Variants in EPPK1 observed in about 807,000 individuals in gnomAD.
The protein encoded by EPPK1 is epiplakin.
For missense variants in EPPK1, 3,823 were observed against 3,673.3 expected (o/e 1.04, Z -1.05); for synonymous variants, 1,862 against 1,721.2 (o/e 1.08, Z -2.03).
intron 1 of EPPK1, among the ~76,000 whole-genome samples, chr8:143,877,552 T>A (rs532456115): frequency 5.3e-4 from 81 of 152,272 alleles, no homozygotes; most frequent in Non-Finnish European, 1.0e-3. Context: ...GGTCTGCATC[T>A]CTTGGGTGAG....
In EPPK1 at chr8:143,871,505, G is replaced by A. The variant is rs141793860; in HGVS notation, c.1749C>T (p.Tyr583=). Residue 583 remains tyrosine (Y), a synonymous_variant, in exon 2 of 2, where the codon TAC becomes TAT. Transcript: ENST00000615648. ...TGGCCTGTCCATGCTCCAGCCGCTC[G>A]TACAGGTCCTGGTCGATGATCTCGG... The part of the protein sequence containing the change: ...LKAEIIDQDL[Y]ERLEHGQATA... The A allele has an allele frequency of 2.8e-4, 456 of 1,609,750 alleles. No homozygotes were observed. The African/African-American group carries it at 5.1e-3, about 18-fold the overall frequency.
At position 143,871,193 on chromosome 8, in the gene EPPK1, A is replaced by G. The variant is rs780938500; in HGVS notation, c.2061T>C (p.Ala687=). The stretch of plus-strand genomic sequence containing the variant: ...TGTAGGGGTCAGTGTAGCCAGTGAC[A>G]GCGCGCTCAGCCGACAGCAGCTTCG... ...VFAKLLSAER[A]VTGYTDPYTG... Residue 687 remains alanine (A), a synonymous_variant, in exon 2 of 2, where the codon GCT becomes GCC. Coordinates refer to ENST00000615648, the MANE Select transcript of EPPK1 (RefSeq NM_031308.4). The G allele has an allele frequency of 2.1e-5, 34 of 1,613,104 alleles. No individual in the cohort carries two copies. The South Asian group carries it at 2.6e-4, about 13-fold the overall frequency.
In EPPK1 at chr8:143,868,902, C is replaced by T. The variant is rs1554660142; in HGVS notation, c.4352G>A (p.Arg1451Lys). The change falls in exon 2 of 2, where the codon AGG becomes AAG. Residue 1451 changes from arginine (R) to lysine (K), a missense_variant. Physicochemically the swap from Arg to Lys is conservative, Grantham distance 26. Coordinates refer to ENST00000615648, the MANE Select transcript of EPPK1 (RefSeq NM_031308.4). ...TGTGCTGACGGGCACCTTCATGGCC[C>T]TCAGAGCCACCGCGGTGTGGTCGTC... ...EVDDHTAVAL[R>K]AMKVPVSTGR... 4 of 1,610,984 alleles carry T rather than the reference C, an allele frequency of 2.5e-6. No individual in the cohort carries two copies. The highest frequency in any genetic ancestry group is 2.7e-5 in the African/African-American group (2 of 74,936).
In EPPK1 at chr8:143,870,875, C is replaced by T. The variant is rs201912091; in HGVS notation, c.2379G>A (p.Leu793=). The T allele has an allele frequency of 1.9e-6, 3 of 1,612,966 alleles. No homozygotes were observed. Among genetic ancestry groups the T allele is most frequent in the East Asian group, 2.2e-5 (1 of 44,880 alleles). ...ERCVRDPETG[L]YLLPLSSTQS... ...GCGTGCTGCTGAGTGGCAGGAGGTA[C>T]AGGCCCGTCTCGGGGTCACGCACAC... is the stretch of plus-strand genomic sequence containing the variant. Residue 793 remains leucine, a synonymous_variant, in exon 2 of 2, where the codon CTG becomes CTA. Transcript: ENST00000615648. This position sits in a 1 kb window ranked among gnomAD's most constrained non-coding sequence, Gnocchi z 5.2.
rs782605919 is a variant in EPPK1, at chr8:143,871,714, G to C, written c.1540C>G (p.Leu514Val). The change falls in exon 2 of 2, where the codon CTC becomes GTC. Residue 514 changes from leucine (L) to valine (V), a missense_variant. By Grantham distance (32) the Leu-to-Val change is conservative. Coordinates refer to ENST00000615648, the MANE Select transcript of EPPK1 (RefSeq NM_031308.4). ...RGRPVSLWEL[L>V]FSEAISSEQR... ...TCTGAGGAGATGGCCTCAGAGAAGAGCAGCTCCCAGAGGGACACGGGCCGG... is the reference window on the plus strand; with the variant it reads ...TCTGAGGAGATGGCCTCAGAGAAGACCAGCTCCCAGAGGGACACGGGCCGG... 3.1e-6 allele frequency: 5 copies of C among 1,608,324 alleles called. No individual in the cohort carries two copies. The highest frequency in any genetic ancestry group is 4.2e-6 in the Non-Finnish European group (5 of 1,178,690).
Position 143,870,935 on chromosome 8 carries a change from G to A in EPPK1, c.2319C>T (p.His773=), listed in dbSNP as rs782240403. 44 of 1,613,380 alleles carry A rather than the reference G, an allele frequency of 2.7e-5. No homozygotes were observed. The East Asian group carries it at 3.6e-4, about 13-fold the overall frequency. The change falls in exon 2 of 2, where the codon CAC becomes CAT. Residue 773 remains histidine, a synonymous_variant. Coordinates refer to ENST00000615648, the MANE Select transcript of EPPK1 (RefSeq NM_031308.4). This position sits in a 1 kb window ranked among gnomAD's most constrained non-coding sequence, Gnocchi z 5.2. ...DTKGFFDPNT[H]ENLTYLQLLE... ...GAAGCTGCAGGTACGTGAGGTTCTC[G>A]TGCGTGTTGGGGTCGAAGAAGCCCT...
In EPPK1 at chr8:143,869,338, C is replaced by A. The variant is rs1819255470; in HGVS notation, c.3916G>T (p.Val1306Phe). The change falls in exon 2 of 2, where the codon GTC becomes TTC. Residue 1306 changes from valine (V) to phenylalanine (F), a missense_variant. Coordinates refer to ENST00000615648, the MANE Select transcript of EPPK1 (RefSeq NM_031308.4). ...QRLSVEDAVK[V>F]GLVGRELSEQ... ...CTCAGCTCCCTGCCCACCAGGCCGA[C>A]CTTAACCGCGTCCTCCACTGACAGT... is the stretch of plus-strand genomic sequence containing the variant. 1 of 1,609,600 alleles carries A rather than the reference C, an allele frequency of 6.2e-7. No homozygotes were observed. Among genetic ancestry groups the A allele is most frequent in the Non-Finnish European group, 8.5e-7 (1 of 1,178,334 alleles).
Position 143,871,902 on chromosome 8 carries a change from A to AG in EPPK1, c.1351dup (p.Leu451ProfsTer67). ...TGGGTCGGTGACACAGAGGGCCAGCAGCTGTTCATAGCGCAGGCCGCCGTG... is the reference window on the plus strand; with the variant it reads ...TGGGTCGGTGACACAGAGGGCCAGCAGGCTGTTCATAGCGCAGGCCGCCGTG... On this transcript the variant is annotated frameshift_variant, in exon 2 of 2. Transcript: ENST00000615648. LOFTEE classifies it low-confidence loss of function (END_TRUNC). The AG allele has an allele frequency of 6.2e-7, 1 of 1,608,420 alleles. No homozygotes were observed. The highest frequency in any genetic ancestry group is 8.5e-7 in the Non-Finnish European group (1 of 1,179,654).
chr8:143,870,412 G>A lies in EPPK1; in HGVS notation c.2842C>T (p.Gln948Ter), dbSNP rs1554660765. The A allele has an allele frequency of 6.3e-7, 1 of 1,589,894 alleles. No individual in the cohort carries two copies. The highest frequency in any genetic ancestry group is 1.7e-5 in the Admixed American group (1 of 58,352). ...CCCAGCAGCTTCTGCCTCATGGCCTGGTAGAGGCTGAGCCGCTGGCCAGAG... is the reference window on the plus strand; with the variant it reads ...CCCAGCAGCTTCTGCCTCATGGCCTAGTAGAGGCTGAGCCGCTGGCCAGAG... Reference protein sequence around the residue: ...LPSGQRLSLYQAMRQKLLGPR... With the variant: ...LPSGQRLSLY The change falls in exon 2 of 2, where the codon CAG becomes TAG. Residue 948 changes from glutamine to a stop codon, truncating the protein, a stop_gained. Coordinates refer to ENST00000615648, the MANE Select transcript of EPPK1 (RefSeq NM_031308.4). LOFTEE classifies it low-confidence loss of function (END_TRUNC). This position sits in a 1 kb window ranked among gnomAD's most constrained non-coding sequence, Gnocchi z 5.2.
Position 143,871,208 on chromosome 8 carries a change from C to T in EPPK1, c.2046G>A (p.Leu682=), listed in dbSNP as rs782644657. ...VIGPDVFAKL[L]SAERAVTGYT... is the part of the protein sequence containing the mutation. Reference sequence around the variant, plus strand: ...AGCCAGTGACAGCGCGCTCAGCCGACAGCAGCTTCGCGAACACATCAGGCC... The same window carrying T: ...AGCCAGTGACAGCGCGCTCAGCCGATAGCAGCTTCGCGAACACATCAGGCC... Residue 682 remains leucine, a synonymous_variant, in exon 2 of 2, where the codon CTG becomes CTA. Coordinates refer to ENST00000615648, the MANE Select transcript of EPPK1 (RefSeq NM_031308.4). 2 of 1,613,284 alleles carry T rather than the reference C, an allele frequency of 1.2e-6. No homozygotes were observed. Among genetic ancestry groups the T allele is most frequent in the South Asian group, 1.1e-5 (1 of 91,088 alleles).
In EPPK1 at chr8:143,870,416, G is replaced by A; in HGVS notation, c.2838C>T (p.Leu946=). 1.9e-6 allele frequency: 3 copies of A among 1,591,766 alleles called. No individual in the cohort carries two copies. Among genetic ancestry groups the A allele is most frequent in the Non-Finnish European group, 2.6e-6 (3 of 1,174,324 alleles). Residue 946 remains leucine, a synonymous_variant, in exon 2 of 2, where the codon CTC becomes CTT. Transcript: ENST00000615648. This position sits in a 1 kb window ranked among gnomAD's most constrained non-coding sequence, Gnocchi z 5.2. ...RLLPSGQRLS[L]YQAMRQKLLG... is the part of the protein sequence containing the mutation. ...GCAGCTTCTGCCTCATGGCCTGGTA[G>A]AGGCTGAGCCGCTGGCCAGAGGGCA... is the stretch of plus-strand genomic sequence containing the variant.
rs1448940981 is a variant in EPPK1 at position 143,871,243 on chromosome 8, C to T, written c.2011G>A (p.Ala671Thr). 1 of 1,613,024 alleles carries T rather than the reference C, an allele frequency of 6.2e-7. No homozygotes were observed. The highest frequency in any genetic ancestry group is 8.5e-7 in the Non-Finnish European group (1 of 1,179,968). The stretch of plus-strand genomic sequence containing the variant: ...GCGAACACATCAGGCCCAATGACAG[C>T]AGCCCTCAGTGCCTCCTCAACGGAG... ...GHSVEEALRA[A>T]VIGPDVFAKL... is the part of the protein sequence containing the mutation. The change falls in exon 2 of 2, where the codon GCT becomes ACT. Residue 671 changes from alanine (A) to threonine (T), a missense_variant. Transcript: ENST00000615648.
Position 143,857,819 on chromosome 8 carries a change from A to T in EPPK1, c.*168T>A. 1 of 560,552 alleles carries T rather than the reference A, an allele frequency of 1.8e-6. No homozygotes were observed. Among genetic ancestry groups the T allele is most frequent in the Non-Finnish European group, 2.9e-6 (1 of 340,966 alleles). The allele number at this position is 560,552 out of a possible 1,614,324, so 34.7% of individuals were successfully genotyped here. ...TATGAAACACCTCGATGGACAAAGGAAAAGTTTCTGTCACATGACAACTTA... is the reference window on the plus strand; with the variant it reads ...TATGAAACACCTCGATGGACAAAGGTAAAGTTTCTGTCACATGACAACTTA... On this transcript the variant is annotated 3_prime_UTR_variant, in exon 2 of 2. Coordinates refer to ENST00000615648, the MANE Select transcript of EPPK1 (RefSeq NM_031308.4).
In EPPK1 at chr8:143,868,916, G is replaced by A. The variant is rs782464862; in HGVS notation, c.4338C>T (p.Thr1446=). The part of the protein sequence containing the change: ...SDTVLEVDDH[T]AVALRAMKVP... ...CCTTCATGGCCCTCAGAGCCACCGC[G>A]GTGTGGTCGTCCACCTCAAGCACTG... The change falls in exon 2 of 2, where the codon ACC becomes ACT. Residue 1446 remains threonine (T), a synonymous_variant. Coordinates refer to ENST00000615648, the MANE Select transcript of EPPK1 (RefSeq NM_031308.4). 56 of 1,610,892 alleles carry A rather than the reference G, an allele frequency of 3.5e-5. No individual in the cohort carries two copies. Among genetic ancestry groups the A allele is most frequent in the Middle Eastern group, 1.6e-4 (1 of 6,084 alleles).
At chr8:143,877,096 T>C (rs1300168831) in intron 1 of EPPK1, among the ~76,000 whole-genome samples, 1 of 152,220 alleles carries the variant, frequency 6.6e-6, no homozygotes, top group Non-Finnish European at 1.5e-5. Flanking sequence ...TTGCCCTGCG[T>C]GTGTGAGTGT....
rs782433712 is a variant in EPPK1 at position 143,871,360 on chromosome 8, T to G, written c.1894A>C (p.Lys632Gln). 17 of 1,609,378 alleles carry G rather than the reference T, an allele frequency of 1.1e-5. No individual in the cohort carries two copies. Among genetic ancestry groups the G allele is most frequent in the Non-Finnish European group, 1.4e-5 (17 of 1,178,634 alleles). Residue 632 changes from lysine to glutamine, a missense_variant, in exon 2 of 2, where the codon AAG becomes CAG. Lys to Gln is a moderately conservative substitution (Grantham distance 53). Transcript: ENST00000615648. Reference sequence around the variant, plus strand: ...GCAGTGCCGGGCCGGAGGAGCCCCTTGCATCGGGCCTCATAGATGCTCAGG... The same window carrying G: ...GCAGTGCCGGGCCGGAGGAGCCCCTGGCATCGGGCCTCATAGATGCTCAGG... ...ERLSIYEARC[K>Q]GLLRPGTALI...
Position 143,870,394 on chromosome 8 carries a change from G to C in EPPK1, c.2860C>G (p.Leu954Val), listed in dbSNP as rs781818533. ...GCCAGGGCCACCCTGGGCCCCAGCA[G>C]CTTCTGCCTCATGGCCTGGTAGAGG... ...LSLYQAMRQK[L>V]LGPRVALALL... is the part of the protein sequence containing the mutation. The change falls in exon 2 of 2, where the codon CTG becomes GTG. Residue 954 changes from leucine to valine, a missense_variant. By Grantham distance (32) the Leu-to-Val change is conservative (BLOSUM62 1). Transcript: ENST00000615648. The surrounding 1 kb of genome is among the most constrained non-coding windows in gnomAD (Gnocchi z 5.2). 5 of 1,578,756 alleles carry C rather than the reference G, an allele frequency of 3.2e-6. No individual in the cohort carries two copies. In the South Asian group the frequency reaches 5.7e-5, roughly 18 times the overall value.
At position 143,866,931 on chromosome 8, in the gene EPPK1, A is replaced by G. The variant is rs925397944; in HGVS notation, c.6323T>C (p.Val2108Ala). The stretch of plus-strand genomic sequence containing the variant: ...TCTGAACCTTCCCACTGTGATTTCC[A>G]CTTGCTCTGCCTCCAGGGCCCTTCT... ...ETRRALEAEQVEITVGRFRGQ... is the reference protein window; with the variant it reads ...ETRRALEAEQAEITVGRFRGQ... Residue 2108 changes from valine (V) to alanine (A), a missense_variant, in exon 2 of 2, where the codon GTG (valine) becomes GCG (alanine). Val to Ala is a moderately conservative substitution (Grantham distance 64, BLOSUM62 0). Coordinates refer to ENST00000615648, the MANE Select transcript of EPPK1 (RefSeq NM_031308.4). The G allele has an allele frequency of 3.1e-6, 5 of 1,612,730 alleles. No homozygotes were observed. The highest frequency in any genetic ancestry group is 8.5e-7 in the Non-Finnish European group (1 of 1,179,824).
In EPPK1 at chr8:143,871,705, C is replaced by A; in HGVS notation, c.1549G>T (p.Glu517Ter). ...GCCCTCTGCTCTGAGGAGATGGCCTCAGAGAAGAGCAGCTCCCAGAGGGAC... is the reference window on the plus strand; with the variant it reads ...GCCCTCTGCTCTGAGGAGATGGCCTAAGAGAAGAGCAGCTCCCAGAGGGAC... ...PVSLWELLFS[E>*]AISSEQRAML... is the part of the protein sequence containing the mutation. The change falls in exon 2 of 2, where the codon GAG (glutamate) becomes TAG (stop). Residue 517 changes from glutamate to a stop codon, truncating the protein, a stop_gained. Transcript: ENST00000615648. LOFTEE classifies it low-confidence loss of function (END_TRUNC). 1 of 1,607,534 alleles carries A rather than the reference C, an allele frequency of 6.2e-7. No individual in the cohort carries two copies.
Sources: gnomAD v4.1 joint callset for allele counts (sites outside exome capture counted in the v4.1 genomes callset) on GRCh38, gnomAD v4.1.1 for gene constraint, Gnocchi (gnomAD v3.1) non-coding constraint, MANE v1.5 for transcripts, NCBI Gene and HGNC (gene_info 2026-07-23, HGNC 2026-07-21) for gene names.